Variants in OR2L13 observed in about 807,000 individuals in gnomAD.
The protein encoded by OR2L13 is olfactory receptor 2L13.
In OR2L13, 14 loss-of-function variants were observed where a neutral mutation model predicts 15.3. The observed-to-expected ratio is 0.91, with a 90% CI of 0.60 to 1.43. OR2L13 has a LOEUF of 1.43. Among genes scored for constraint, OR2L13 ranks in the 40% most tolerant of loss-of-function variants. The pLI, the probability that OR2L13 is intolerant of heterozygous loss-of-function variation, is 0.00. For missense variants in OR2L13, 367 were observed against 387.9 expected (o/e 0.95, Z 0.45); for synonymous variants, 152 against 142.9 (o/e 1.06, Z -0.45).
chr1:248,063,786 ATG>A, the OR2L13 span, among the ~76,000 whole-genome samples: 1 of 80,378 alleles, frequency 1.2e-5, no homozygotes. Flanking sequence ...GTATTACAAG[ATG>A]TGTGCGTGTG....
At chr1:247,937,687 C>T in the OR2L13 span, among the ~76,000 whole-genome samples, 4,624 of 151,090 alleles carry the variant, frequency 0.031, 85 homozygotes, top group African/African-American at 0.045. Context: ...TCTGGGGCCT[C>T]CTCTCCCAGG....
the OR2L13 span, chr1:248,022,245 AGT>A: frequency 6.2e-6 from 10 of 1,614,016 alleles, no homozygotes; most frequent in Non-Finnish European, 7.6e-6. Context: ...TGGGATTCAG[AGT>A]TTCTTCTTCA....
At chr1:247,974,531 G>A in the OR2L13 span, among the ~76,000 whole-genome samples, 1 of 151,632 alleles carries the variant, frequency 6.6e-6, no homozygotes, top group Non-Finnish European at 1.5e-5. Flanking sequence ...TTTTATTTTT[G>A]TTAATCTCTT....
the OR2L13 span, among the ~76,000 whole-genome samples, chr1:247,942,770 T>G: frequency 6.6e-6 from 1 of 152,156 alleles, no homozygotes; most frequent in South Asian, 2.1e-4. Flanking sequence ...AGTGTAGAGT[T>G]CTGTGTCATT....
At chr1:248,042,424 G>A in the OR2L13 span, 4 of 151,948 alleles carry the variant, frequency 2.6e-5, no homozygotes, top group Admixed American at 6.5e-5. Context: ...GTTAGTGGGT[G>A]CAGTGCAGCA....
At chr1:247,956,135 G>A in the OR2L13 span, among the ~76,000 whole-genome samples, 1 of 149,484 alleles carries the variant, frequency 6.7e-6, no homozygotes, top group East Asian at 2.0e-4. Flanking sequence ...GTGTAAGGAA[G>A]GGATCCAGTT....
the OR2L13 span, among the ~76,000 whole-genome samples, chr1:247,985,210 T>C: frequency 6.6e-6 from 1 of 152,140 alleles, no homozygotes; most frequent in South Asian, 2.1e-4. Context: ...CATCAACTCA[T>C]CATTTAACAT....
chr1:248,063,232 A>T, the OR2L13 span: 4 of 152,140 alleles, frequency 2.6e-5, no homozygotes, highest in African/African-American at 9.7e-5. Context: ...ATTTCTTTCC[A>T]TTCATTTGTA....
chr1:248,057,719 T>A, the OR2L13 span, among the ~76,000 whole-genome samples: 1 of 152,136 alleles, frequency 6.6e-6, no homozygotes, highest in Admixed American at 6.5e-5. Context: ...AACTCCTTGG[T>A]TAGGTTTATT....
chr1:248,010,580 A>G, the OR2L13 span, among the ~76,000 whole-genome samples: 2 of 152,038 alleles, frequency 1.3e-5, no homozygotes, highest in South Asian at 4.2e-4. Flanking sequence ...GTAGGTCTCT[A>G]AGAACTTGCT....
At chr1:248,044,985 C>T in the OR2L13 span, among the ~76,000 whole-genome samples, 3 of 152,184 alleles carry the variant, frequency 2.0e-5, no homozygotes, top group African/African-American at 7.2e-5. Context: ...GCAATTGAAC[C>T]CTGTGGGCCT....
At chr1:247,990,351 C>G in the OR2L13 span, 1 of 1,522,892 alleles carries the variant, frequency 6.6e-7, no homozygotes, top group South Asian at 1.1e-5. Context: ...CATCTTCATT[C>G]TCATTAATTT....
At chr1:248,021,910 C>A in the OR2L13 span, 1 of 1,539,700 alleles carries the variant, frequency 6.5e-7, no homozygotes, top group Non-Finnish European at 8.9e-7. Flanking sequence ...TTGACTTACC[C>A]TTGTGTCTCC....
At chr1:248,049,796 T>C in the OR2L13 span, among the ~76,000 whole-genome samples, 3 of 152,176 alleles carry the variant, frequency 2.0e-5, no homozygotes, top group Non-Finnish European at 4.4e-5. Context: ...TTATTTCAGA[T>C]TTACTGCCAA....
the OR2L13 span, among the ~76,000 whole-genome samples, chr1:248,010,777 T>TTTTTTTTTTTTTTTTTTTTC: frequency 7.2e-6 from 1 of 138,692 alleles, no homozygotes; most frequent in African/African-American, 2.7e-5. Context: ...TTTTTTTTTT[T>TTTTTTTTTTTTTTTTTTTTC]TTTTTTTTTT....
the OR2L13 span, among the ~76,000 whole-genome samples, chr1:248,073,445 G>T: frequency 6.6e-6 from 1 of 151,730 alleles, no homozygotes; most frequent in Admixed American, 6.6e-5. Flanking sequence ...ATGGACATAG[G>T]AAGGGGAACA....
At chr1:248,099,988 T>C (rs200991925) in exon 3 of OR2L13, 2 of 1,614,158 alleles carry the variant, frequency 1.2e-6, no homozygotes, top group East Asian at 4.5e-5. Context: ...TACAAGCCTC[T>C]TTCTCCTTTT....
the OR2L13 span, among the ~76,000 whole-genome samples, chr1:248,020,289 G>T: frequency 6.6e-6 from 1 of 152,108 alleles, no homozygotes; most frequent in Admixed American, 6.6e-5. Context: ...TAAAACTGTC[G>T]CTGTTTGCTG....
At chr1:248,000,123 GGT>G in the OR2L13 span, among the ~76,000 whole-genome samples, 23 of 138,100 alleles carry the variant, frequency 1.7e-4, no homozygotes, top group Non-Finnish European at 1.9e-4. Flanking sequence ...TTTTTTTTTT[GGT>G]GTGTGTGTGT....
Sources: allele counts gnomAD v4.1 joint callset (sites outside exome capture counted in the v4.1 genomes callset), GRCh38; gene constraint gnomAD v4.1.1; transcripts MANE v1.5; gene names NCBI Gene and HGNC (gene_info 2026-07-23, HGNC 2026-07-21).